The following MYO7A variants were observed in gnomAD, a reference collection of about 807,000 sequenced individuals.
The protein encoded by MYO7A is unconventional myosin-VIIa.
MYO7A carries 210 observed loss-of-function variants against 263.8 expected under a neutral mutation model. That is an observed-to-expected ratio of 0.80 (90% CI 0.71 to 0.89). The LOEUF (loss-of-function observed/expected upper bound fraction) is 0.89. MYO7A is among the 40% of genes least tolerant of loss of function. The pLI, the probability that MYO7A is intolerant of heterozygous loss-of-function variation, is 0.00. For missense variants in MYO7A, 2,820 were observed against 2,968.3 expected (o/e 0.95, Z 1.16); for synonymous variants, 1,239 against 1,197.3 (o/e 1.03, Z -0.72).
At position 77,205,581 on chromosome 11, in the gene MYO7A, C is replaced by A. The variant is rs876657914; in HGVS notation, c.5600C>A (p.Ala1867Asp). Residue 1867 changes from alanine (A) to aspartate (D), a missense_variant, in exon 40 of 49, where the codon GCC (alanine) becomes GAC (aspartate). Transcript: ENST00000409709. Reference sequence around the variant, plus strand: ...CAGTCCCGAAAGCACTGCCCACTCGCCATCGACTGCCTGCAACGGCTCCAG... The same window carrying A: ...CAGTCCCGAAAGCACTGCCCACTCGACATCGACTGCCTGCAACGGCTCCAG... ...FLQSRKHCPL[A>D]IDCLQRLQKA... The A allele has an allele frequency of 6.2e-7, 1 of 1,613,394 alleles. No homozygotes were observed. Among genetic ancestry groups the A allele is most frequent in the Non-Finnish European group, 8.5e-7 (1 of 1,179,782 alleles).
In MYO7A at chr11:77,147,812, T is replaced by A; in HGVS notation, c.147T>A (p.Ser49=). ...GCTCCCCGCAGGAACACTGGATCTC[T>A]CCGCAGAACGCAACGCACATCAAGC... ...VDDEDNEHWI[S]PQNATHIKPM... The change falls in exon 4 of 49, where the codon TCT becomes TCA. Residue 49 remains serine (S), a synonymous_variant. Transcript: ENST00000409709. 6.2e-7 allele frequency: 1 copy of A among 1,610,238 alleles called. No homozygotes were observed. The highest frequency in any genetic ancestry group is 8.5e-7 in the Non-Finnish European group (1 of 1,178,898).
At chr11:77,207,682 G>A (rs1037437379) in intron 42 of MYO7A, among the ~76,000 whole-genome samples, 2 of 152,180 alleles carry the variant, frequency 1.3e-5, no homozygotes. Flanking sequence ...CAACACACAT[G>A]TTCTTTCCAT....
In MYO7A at chr11:77,162,252, C is replaced by T. The variant is rs1440439015; in HGVS notation, c.1476C>T (p.Asn492=). ...IDWLHIEFTD[N]QDALDMIANK... ...GGCTGCACATCGAGTTCACTGACAA[C>T]CAGGATGCCCTGGACATGATTGCCA... The change falls in exon 13 of 49, where the codon AAC becomes AAT. Residue 492 remains asparagine (N), a synonymous_variant. Coordinates refer to ENST00000409709, the MANE Select transcript of MYO7A (RefSeq NM_000260.4). The T allele has an allele frequency of 9.0e-6, 14 of 1,559,696 alleles. No individual in the cohort carries two copies. Among genetic ancestry groups the T allele is most frequent in the Admixed American group, 1.9e-5 (1 of 51,760 alleles).
chr11:77,167,133 G>A (rs1555073091), intron 15 of MYO7A, among the ~76,000 whole-genome samples: 1 of 152,200 alleles, frequency 6.6e-6, no homozygotes, highest in African/African-American at 2.4e-5. Context: ...GTGTTTTTGT[G>A]TGGAGTGGTT....
At chr11:77,193,076 G>A (rs557204562) in intron 31 of MYO7A, among the ~76,000 whole-genome samples, 1 of 73,380 alleles carries the variant, frequency 1.4e-5, no homozygotes, top group Non-Finnish European at 3.4e-5. Context: ...GATGGTGGAG[G>A]TAGTTGTTTG....
Position 77,209,865 on chromosome 11 carries a change from G to A in MYO7A, c.6051+1062G>A, listed in dbSNP as rs1386045062. Among the ~76,000 whole-genome samples, 15 of 152,156 alleles carry A rather than the reference G, an allele frequency of 9.9e-5. No homozygotes were observed. The Middle Eastern group carries it at 0.017, about 173-fold the overall frequency. On this transcript the variant is annotated intron_variant, in intron 44 of 48. Coordinates refer to ENST00000409709, the MANE Select transcript of MYO7A (RefSeq NM_000260.4). ...CCCTTGCTCGTAGGGCATAACCCCC[G>A]TCCTGGCCGTGGCCCTGCCTGGTGG...
chr11:77,212,270 G>C (rs1565492252), intron 46 of MYO7A: 1 of 465,224 alleles, frequency 2.1e-6, no homozygotes, highest in Non-Finnish European at 4.2e-6. Context: ...AGGCCTCTTA[G>C]AGGAGGTGAT....
At position 77,211,381 on chromosome 11, in the gene MYO7A, G is replaced by A. The variant is rs1015012654; in HGVS notation, c.6237+44G>A. 6.5e-6 allele frequency: 10 copies of A among 1,536,102 alleles called. No homozygotes were observed. The African/African-American group carries it at 1.1e-4, about 17-fold the overall frequency. ...TCGGGAATGGTGGGGCCCTGAATGG[G>A]CCTCGGGGCACCCCAGGGGCCAAGG... On this transcript the variant is annotated intron_variant, in intron 45 of 48. Coordinates refer to ENST00000409709, the MANE Select transcript of MYO7A (RefSeq NM_000260.4).
chr11:77,212,708 G>A, intron 46 of MYO7A: 2 of 573,410 alleles, frequency 3.5e-6, no homozygotes, highest in East Asian at 2.9e-5. Context: ...TTTTAAAGAT[G>A]GGAGGCCCTT....
chr11:77,174,843 C>T lies in MYO7A; in HGVS notation c.2023C>T (p.Arg675Cys), dbSNP rs782459520. The change falls in exon 17 of 49, where the codon CGC becomes TGC. Residue 675 changes from arginine to cysteine, a missense_variant. Coordinates refer to ENST00000409709, the MANE Select transcript of MYO7A (RefSeq NM_000260.4). ...IRIRRAGYPI[R>C]YSFVEFVERY... is the part of the protein sequence containing the mutation. ...AATCCGCCGAGCTGGCTACCCCATC[C>T]GCTACAGCTTCGTAGAGTTTGTGGA... 1.5e-5 allele frequency: 24 copies of T among 1,613,566 alleles called. No individual in the cohort carries two copies. The East Asian group carries it at 4.7e-4, about 31-fold the overall frequency.
At position 77,179,034 on chromosome 11, in the gene MYO7A, T is replaced by A. The variant is rs1197928332; in HGVS notation, c.2283-11T>A. 1 of 1,596,640 alleles carries A rather than the reference T, an allele frequency of 6.3e-7. No individual in the cohort carries two copies. Among genetic ancestry groups the A allele is most frequent in the African/African-American group, 1.3e-5 (1 of 74,678 alleles). On this transcript the variant is annotated splice_polypyrimidine_tract_variant and intron_variant, in intron 19 of 48. Transcript: ENST00000409709. ...GGACACTGCTCACCCGCGCCACTAC[T>A]GCTGTTTCAGGTCTAACTTTCTGAA...
Position 77,160,147 on chromosome 11 carries a change from G to A in MYO7A, c.1081-16G>A. 6.5e-7 allele frequency: 1 copy of A among 1,550,344 alleles called. No individual in the cohort carries two copies. Among genetic ancestry groups the A allele is most frequent in the African/African-American group, 1.4e-5 (1 of 73,164 alleles). On this transcript the variant is annotated splice_polypyrimidine_tract_variant and intron_variant, in intron 10 of 48. Coordinates refer to ENST00000409709, the MANE Select transcript of MYO7A (RefSeq NM_000260.4). The stretch of plus-strand genomic sequence containing the variant: ...GCAGGCTGGCAGGTGAGCACCTGGG[G>A]TGTTGCCTGTACCAGGTGAACCCCC...
rs782081669 is a variant in MYO7A, at chr11:77,182,085, C to A, written c.3039C>A (p.Thr1013=). The A allele has an allele frequency of 6.2e-7, 1 of 1,613,364 alleles. No individual in the cohort carries two copies. The highest frequency in any genetic ancestry group is 1.7e-5 in the Admixed American group (1 of 60,022). The change falls in exon 24 of 49, where the codon ACC becomes ACA. Residue 1013 remains threonine, a synonymous_variant. Coordinates refer to ENST00000409709, the MANE Select transcript of MYO7A (RefSeq NM_000260.4). Reference sequence around the variant, plus strand: ...CGGCCACCTACTTCCAGGGGACAACCACGCACTCCTACACCCGGCGGCCAC... The same window carrying A: ...CGGCCACCTACTTCCAGGGGACAACAACGCACTCCTACACCCGGCGGCCAC... ...KFAATYFQGT[T]THSYTRRPLK...
intron 31 of MYO7A, among the ~76,000 whole-genome samples, chr11:77,192,802 CGTT>C (rs1202002195): frequency 4.8e-4 from 1 of 2,090 alleles, no homozygotes; most frequent in Non-Finnish European, 1.3e-3. Context: ...GTGGTAGTAA[CGTT>C]GGTGGAGGTA....
intron 2 of MYO7A, among the ~76,000 whole-genome samples, chr11:77,137,824 TC>T (rs1456520867): frequency 1.3e-5 from 2 of 152,048 alleles, no homozygotes; most frequent in Non-Finnish European, 2.9e-5. Context: ...TCAGGGGCTT[TC>T]CCCCAAACTT....
At chr11:77,165,259 C>T (rs1263364129) in intron 14 of MYO7A, among the ~76,000 whole-genome samples, 1 of 152,224 alleles carries the variant, frequency 6.6e-6, no homozygotes, top group Admixed American at 6.5e-5. Flanking sequence ...CTATGTCCTG[C>T]TCTGTGCAGT....
intron 46 of MYO7A, 165 bp from the exon 47 acceptor site, chr11:77,212,787 G>A (rs1957964929): frequency 1.5e-6 from 1 of 649,412 alleles, no homozygotes; most frequent in Admixed American, 2.3e-5. Flanking sequence ...GCAGCACTGA[G>A]GGCCCAGCGG....
chr11:77,143,941 G>A (rs1951384896), intron 3 of MYO7A, among the ~76,000 whole-genome samples: 1 of 152,144 alleles, frequency 6.6e-6, no homozygotes, highest in Non-Finnish European at 1.5e-5. Flanking sequence ...CTCAGAGTTT[G>A]CAAGACCCTT....
In MYO7A at chr11:77,207,298, G is replaced by C. The variant is rs958153438; in HGVS notation, c.5752G>C (p.Val1918Leu). Residue 1918 changes from valine (V) to leucine (L), a missense_variant, in exon 42 of 49, where the codon GTG (valine) becomes CTG (leucine). Transcript: ENST00000409709. ...FPDDTDEAFE[V>L]ESSTKAKDFC... ...TCACTGCCCCTCCCAGGCCTTCGAA[G>C]TGGAGTCCAGCACCAAGGCCAAGGA... is the stretch of plus-strand genomic sequence containing the variant. 5.6e-6 allele frequency: 9 copies of C among 1,610,498 alleles called. No individual in the cohort carries two copies. Among genetic ancestry groups the C allele is most frequent in the Non-Finnish European group, 7.6e-6 (9 of 1,178,368 alleles).
Sources: allele counts gnomAD v4.1 joint callset (sites outside exome capture counted in the v4.1 genomes callset), GRCh38; gene constraint gnomAD v4.1.1; transcripts MANE v1.5; gene names NCBI Gene and HGNC (gene_info 2026-07-23, HGNC 2026-07-21).